Variants in CELSR1 observed in about 807,000 individuals in gnomAD.
CELSR1 encodes cadherin EGF LAG seven-pass G-type receptor 1, also known as adhesion G protein-coupled receptor C1.
CELSR1 carries 110 observed loss-of-function variants against 249.1 expected under a neutral mutation model. The observed-to-expected ratio is 0.44, with a 90% CI of 0.38 to 0.52. The LOEUF (loss-of-function observed/expected upper bound fraction) is 0.52, where lower values mean the gene tolerates loss of function less well. Ranked by LOEUF, CELSR1 falls within the 20% of genes least tolerant of loss-of-function variation. CELSR1 has a pLI of 0.00. For synonymous variants in CELSR1, 2,113 were observed against 1,900.0 expected (o/e 1.11, Z -2.92); for missense variants, 4,109 against 4,296.4 (o/e 0.96, Z 1.22).
chr22:46,460,196 CA>C (rs1569179784), intron 2 of CELSR1, among the ~76,000 whole-genome samples: 45 of 110,992 alleles, frequency 4.1e-4, no homozygotes, highest in African/African-American at 1.5e-3. Flanking sequence ...CACACACACA[CA>C]CACACACACA....
At chr22:46,501,365 C>T (rs536693535) in intron 1 of CELSR1, among the ~76,000 whole-genome samples, 5 of 152,126 alleles carry the variant, frequency 3.3e-5, no homozygotes, top group East Asian at 1.9e-4. Flanking sequence ...ACCACCACGC[C>T]GGGCTAATTT....
intron 1 of CELSR1, among the ~76,000 whole-genome samples, chr22:46,465,474 C>T (rs892553210): frequency 5.9e-5 from 9 of 152,318 alleles, no homozygotes; most frequent in African/African-American, 2.2e-4. Flanking sequence ...CCAGGCCCTC[C>T]TCCCTCTCAT....
In CELSR1 at chr22:46,390,104, G is replaced by C. The variant is rs2079073095; in HGVS notation, c.6345+288C>G. Among the ~76,000 whole-genome samples the C allele has an allele frequency of 4.6e-5, 7 of 152,342 alleles. No homozygotes were observed. The Middle Eastern group carries it at 0.014, about 296-fold the overall frequency. ...AGCCATGAAATAGGGCAGGATCAGA[G>C]GGCAAATGGAGTCAAATGCAGGGAC... is the stretch of plus-strand genomic sequence containing the variant. On this transcript the variant is annotated intron_variant, in intron 17 of 34. Coordinates refer to ENST00000674500, the MANE Select transcript of CELSR1 (RefSeq NM_001378328.1). This position sits in a 1 kb window ranked among gnomAD's most constrained non-coding sequence, Gnocchi z 6.3.
chr22:46,447,205 A>T lies in CELSR1; in HGVS notation c.4184-7794T>A, dbSNP rs991069927. 2.6e-5 allele frequency among the ~76,000 whole-genome samples: 4 copies of T among 152,160 alleles called. No individual in the cohort carries two copies. Among genetic ancestry groups the T allele is most frequent in the African/African-American group, 9.7e-5 (4 of 41,444 alleles). On this transcript the variant is annotated intron_variant, in intron 2 of 34. Coordinates refer to ENST00000674500, the MANE Select transcript of CELSR1 (RefSeq NM_001378328.1). This position sits in a 1 kb window ranked among gnomAD's most constrained non-coding sequence, Gnocchi z 4.7. ...AGAGATGTGATATGACAGATTTTTA[A>T]TTCTAAAATCATCTGAAGGTAAATA...
In CELSR1 at chr22:46,484,992, A is replaced by G; in HGVS notation, c.3545-20647T>C. ...TATTTGCTGAGAAAATTCCAGTCCT[A>G]AATTTCAAGAGACTGATTCAGCATG... On this transcript the variant is annotated intron_variant, in intron 1 of 34. Coordinates refer to ENST00000674500, the MANE Select transcript of CELSR1 (RefSeq NM_001378328.1). This position sits in a 1 kb window ranked among gnomAD's most constrained non-coding sequence, Gnocchi z 4.5. 6.6e-6 allele frequency among the ~76,000 whole-genome samples: 1 copy of G among 151,992 alleles called. No homozygotes were observed. Among genetic ancestry groups the G allele is most frequent in the Non-Finnish European group, 1.5e-5 (1 of 68,022 alleles).
Position 46,506,725 on chromosome 22 carries a change from C to T in CELSR1, c.3544+26902G>A, listed in dbSNP as rs555213752. ...ACAAGCCCAAATCGAGAGTTACGTT[C>T]TAATTTTAAGATCTCTGTGCCACCA... On this transcript the variant is annotated intron_variant, in intron 1 of 34. Coordinates refer to ENST00000674500, the MANE Select transcript of CELSR1 (RefSeq NM_001378328.1). The surrounding 1 kb of genome is among the most constrained non-coding windows in gnomAD (Gnocchi z 4.1). 8.5e-5 allele frequency among the ~76,000 whole-genome samples: 13 copies of T among 152,328 alleles called. No individual in the cohort carries two copies. The highest frequency in any genetic ancestry group is 2.9e-4 in the African/African-American group (12 of 41,568).
rs369149647 is a variant in CELSR1, at chr22:46,363,190, G to A, written c.*33C>T. On this transcript the variant is annotated 3_prime_UTR_variant, in exon 35 of 35. Coordinates refer to ENST00000674500, the MANE Select transcript of CELSR1 (RefSeq NM_001378328.1). This position sits in a 1 kb window ranked among gnomAD's most constrained non-coding sequence, Gnocchi z 4.3. ...TGACGGGCTTGCCTCACGGTTTCCT[G>A]ATGGTTCAAATTGAAGTTTCATTAC... 4.4e-6 allele frequency: 7 copies of A among 1,579,052 alleles called. No homozygotes were observed. In the African/African-American group the frequency reaches 1.5e-4, roughly 34 times the overall value.
rs1337163977 is a variant in CELSR1, at chr22:46,430,024, C to A, written c.4611+3369G>T. Among the ~76,000 whole-genome samples, 1 of 152,218 alleles carries A rather than the reference C, an allele frequency of 6.6e-6. No homozygotes were observed. The highest frequency in any genetic ancestry group is 2.4e-5 in the African/African-American group (1 of 41,464). ...ACTGCTCCACCAGCCTGGCAGCTCC[C>A]AGGCCCTGTACACTGGTGGGTGGGG... On this transcript the variant is annotated intron_variant, in intron 5 of 34. Coordinates refer to ENST00000674500, the MANE Select transcript of CELSR1 (RefSeq NM_001378328.1). This position sits in a 1 kb window ranked among gnomAD's most constrained non-coding sequence, Gnocchi z 4.6.
rs775063073 is a variant in CELSR1, at chr22:46,364,605, C to T, written c.8686G>A (p.Glu2896Lys). ...TKVSVELHRE[E>K]QGSHRGEYPP... ...TACTCTCCACGGTGACTGCCCTGCT[C>T]CTCGCGGTGCAGCTCCACGCTGACC... is the stretch of plus-strand genomic sequence containing the variant. Residue 2896 changes from glutamate to lysine, a missense_variant, in exon 33 of 35, where the codon GAG becomes AAG. Around this residue, in one of 7 missense-constraint regions of CELSR1, gnomAD observed 1,805 missense variants for 1,831.6 expected, o/e 0.99. Transcript: ENST00000674500. The T allele has an allele frequency of 3.1e-6, 5 of 1,612,700 alleles. No homozygotes were observed. Among genetic ancestry groups the T allele is most frequent in the Non-Finnish European group, 3.4e-6 (4 of 1,179,908 alleles).
In CELSR1 at chr22:46,473,633, C is replaced by A. The variant is rs940257389; in HGVS notation, c.3545-9288G>T. On this transcript the variant is annotated intron_variant, in intron 1 of 34. Transcript: ENST00000674500. This position sits in a 1 kb window ranked among gnomAD's most constrained non-coding sequence, Gnocchi z 6.6. The stretch of plus-strand genomic sequence containing the variant: ...GGGGTCCAGAGTCATTCCCCGTGGC[C>A]GGCTGTGATCACATCCACAGAGCGT... Among the ~76,000 whole-genome samples, 2 of 152,178 alleles carry A rather than the reference C, an allele frequency of 1.3e-5. No individual in the cohort carries two copies. Among genetic ancestry groups the A allele is most frequent in the Non-Finnish European group, 2.9e-5 (2 of 68,032 alleles).
Position 46,408,953 on chromosome 22 carries a change from C to T in CELSR1, c.5226+43G>A, listed in dbSNP as rs747046819. 7 of 1,523,956 alleles carry T rather than the reference C, an allele frequency of 4.6e-6. No homozygotes were observed. Among genetic ancestry groups the T allele is most frequent in the South Asian group, 2.5e-5 (2 of 79,076 alleles). The allele number at this position is 1,523,956 out of a possible 1,614,324, so 94.4% of individuals were successfully genotyped here. On this transcript the variant is annotated intron_variant, in intron 9 of 34. Transcript: ENST00000674500. The surrounding 1 kb of genome is among the most constrained non-coding windows in gnomAD (Gnocchi z 4.6). ...CCAGCGCCTGGGTCCCTCCCTCGGG[C>T]ACCCACCTAGCAGGTGCCTTGGTGG...
Position 46,413,902 on chromosome 22 carries a change from T to G in CELSR1, c.4612-2143A>C, listed in dbSNP as rs1025597052. 6.6e-6 allele frequency among the ~76,000 whole-genome samples: 1 copy of G among 152,130 alleles called. No homozygotes were observed. Among genetic ancestry groups the G allele is most frequent in the African/African-American group, 2.4e-5 (1 of 41,418 alleles). Reference sequence around the variant, plus strand: ...TATCTTTACAACTTATAATTTACATTTTTGGGGCTGGGCGTGAGACTACTG... The same window carrying G: ...TATCTTTACAACTTATAATTTACATGTTTGGGGCTGGGCGTGAGACTACTG... On this transcript the variant is annotated intron_variant, in intron 5 of 34. Transcript: ENST00000674500. This position sits in a 1 kb window ranked among gnomAD's most constrained non-coding sequence, Gnocchi z 4.7.
Position 46,464,850 on chromosome 22 carries a change from T to C in CELSR1, c.3545-505A>G, listed in dbSNP as rs752286588. Among the ~76,000 whole-genome samples, 1 of 152,154 alleles carries C rather than the reference T, an allele frequency of 6.6e-6. No individual in the cohort carries two copies. Among genetic ancestry groups the C allele is most frequent in the Non-Finnish European group, 1.5e-5 (1 of 68,020 alleles). ...TCGCAGCTCAGCTCAAACTCTGCAG[T>C]GCCTGGCAAGCCCGCCCTGGTCCTG... On this transcript the variant is annotated intron_variant, in intron 1 of 34. Transcript: ENST00000674500. This position sits in a 1 kb window ranked among gnomAD's most constrained non-coding sequence, Gnocchi z 8.5.
At chr22:46,418,581 G>C (rs1272589872) in intron 5 of CELSR1, among the ~76,000 whole-genome samples, 1 of 152,214 alleles carries the variant, frequency 6.6e-6, no homozygotes, top group Non-Finnish European at 1.5e-5. Context: ...TAAGCAACTC[G>C]TGCAATTAGC....
Position 46,520,377 on chromosome 22 carries a change from C to A in CELSR1, c.3544+13250G>T, listed in dbSNP as rs147043391. Among the ~76,000 whole-genome samples the A allele has an allele frequency of 9.7e-4, 147 of 152,082 alleles. 2 individuals carry two copies. Among genetic ancestry groups the A allele is most frequent in the African/African-American group, 3.3e-3 (138 of 41,526 alleles). ...GGCACCTGCTCCCACGCCTCCCACACCTGAGTGTCTGCAACAGTTTGCATT... is the reference window on the plus strand; with the variant it reads ...GGCACCTGCTCCCACGCCTCCCACAACTGAGTGTCTGCAACAGTTTGCATT... On this transcript the variant is annotated intron_variant, in intron 1 of 34. Transcript: ENST00000674500.
At position 46,378,602 on chromosome 22, in the gene CELSR1, A is replaced by C. The variant is rs942427122; in HGVS notation, c.7372T>G (p.Ser2458Ala). ...GGGAGGATGCCCACCTCACGCCTGG[A>C]GATATCCATGAGCACCGCAAAGCTG... ...TASFAVLMDI[S>A]RRENGEVLPL... The change falls in exon 23 of 35, where the codon TCC becomes GCC. Residue 2458 changes from serine to alanine, a missense_variant. Around this residue, in one of 7 missense-constraint regions of CELSR1, gnomAD observed 1,805 missense variants for 1,831.6 expected, o/e 0.99. Transcript: ENST00000674500. The C allele has an allele frequency of 1.3e-6, 2 of 1,578,064 alleles. No homozygotes were observed. Among genetic ancestry groups the C allele is most frequent in the African/African-American group, 1.3e-5 (1 of 74,482 alleles).
intron 25 of CELSR1, among the ~76,000 whole-genome samples, chr22:46,371,841 C>G (rs1259529354): frequency 6.7e-6 from 1 of 148,648 alleles, no homozygotes; most frequent in East Asian, 2.0e-4. Flanking sequence ...TCCATCCATC[C>G]ACCTATTCAT....
rs1336039581 is a variant in CELSR1 at position 46,410,978 on chromosome 22, C to G, written c.4770-417G>C. On this transcript the variant is annotated intron_variant, in intron 6 of 34. Coordinates refer to ENST00000674500, the MANE Select transcript of CELSR1 (RefSeq NM_001378328.1). The surrounding 1 kb of genome is among the most constrained non-coding windows in gnomAD (Gnocchi z 6.8). ...AACCCAGCACTTTGGGAGGCTGAGGCGGGCAGATCACGAGGTCAAGAGATC... is the reference window on the plus strand; with the variant it reads ...AACCCAGCACTTTGGGAGGCTGAGGGGGGCAGATCACGAGGTCAAGAGATC... 6.6e-6 allele frequency among the ~76,000 whole-genome samples: 1 copy of G among 152,128 alleles called. No individual in the cohort carries two copies. Among genetic ancestry groups the G allele is most frequent in the Non-Finnish European group, 1.5e-5 (1 of 68,028 alleles).
intron 30 of CELSR1, among the ~76,000 whole-genome samples, 178 bp downstream of exon 30, chr22:46,366,207 GA>G (rs369702731): frequency 7.1e-3 from 12 of 1,698 alleles, no homozygotes; most frequent in Non-Finnish European, 0.011. Flanking sequence ...GGGAAGGTGC[GA>G]GGCGGGGAGG....
Sources: gnomAD v4.1 joint callset for allele counts (sites outside exome capture counted in the v4.1 genomes callset) on GRCh38, gnomAD v4.1.1 for gene constraint, gnomAD v4.1.1 regional missense constraint, Gnocchi (gnomAD v3.1) non-coding constraint, MANE v1.5 for transcripts, NCBI Gene and HGNC (gene_info 2026-07-23, HGNC 2026-07-21) for gene names.